Variants in IRGM observed in about 807,000 individuals in gnomAD.
IRGM encodes immunity related GTPase M.
For synonymous variants in IRGM, 98 were observed against 80.6 expected (o/e 1.22, Z -1.16); for missense variants, 288 against 219.9 (o/e 1.31, Z -1.96).
chr5:150,884,127 G>A (rs980039113), intron 3 of IRGM, among the ~76,000 whole-genome samples: 2 of 151,730 alleles, frequency 1.3e-5, no homozygotes, highest in Non-Finnish European at 2.9e-5. Context: ...TCACATTAAC[G>A]GAATGAAGGA....
chr5:150,849,099 G>A (rs894441725), downstream of IRGM, among the ~76,000 whole-genome samples: 11 of 151,798 alleles, frequency 7.2e-5, no homozygotes, highest in African/African-American at 2.7e-4. Flanking sequence ...GTTCGAACAG[G>A]CAAGTAGAGA....
chr5:150,865,383 T>C (rs1284544639), intron 1 of IRGM, among the ~76,000 whole-genome samples: 3 of 151,418 alleles, frequency 2.0e-5, no homozygotes, highest in Admixed American at 6.6e-5. Flanking sequence ...TATATCAAAA[T>C]TTCATTAAAT....
At chr5:150,883,321 A>G (rs372116874) in intron 3 of IRGM, among the ~76,000 whole-genome samples, 26 of 152,046 alleles carry the variant, frequency 1.7e-4, no homozygotes, top group Admixed American at 1.7e-3. Flanking sequence ...TCTCAAAAAA[A>G]CAACGTAGTG....
intron 3 of IRGM, chr5:150,897,887 C>A: frequency 2.9e-6 from 2 of 695,998 alleles, no homozygotes; most frequent in South Asian, 2.4e-5. Flanking sequence ...TATATATACA[C>A]ACAAGAGACA....
downstream of IRGM, among the ~76,000 whole-genome samples, chr5:150,850,364 T>G (rs1445343411): frequency 6.6e-6 from 1 of 152,202 alleles, no homozygotes; most frequent in Non-Finnish European, 1.5e-5. Context: ...CTTCATATAC[T>G]GATATAGAAC....
chr5:150,886,962 T>G (rs1299904471), intron 3 of IRGM, among the ~76,000 whole-genome samples: 5 of 152,012 alleles, frequency 3.3e-5, no homozygotes, highest in African/African-American at 1.2e-4. Flanking sequence ...AGTGGATTTG[T>G]TCTTGCTTCT....
At chr5:150,900,936 A>G (rs903604482), downstream of IRGM, among the ~76,000 whole-genome samples, 2 of 152,104 alleles carry the variant, frequency 1.3e-5, no homozygotes, top group African/African-American at 4.8e-5. Flanking sequence ...AATTTTGAGG[A>G]AAATATAGTA....
At chr5:150,861,222 T>TGC (rs1754131165) in intron 1 of IRGM, among the ~76,000 whole-genome samples, 1 of 152,160 alleles carries the variant, frequency 6.6e-6, no homozygotes, top group Non-Finnish European at 1.5e-5. Flanking sequence ...GGCTGGGATT[T>TGC]TACATGGGGC....
chr5:150,850,545 T>G (rs1753959888), downstream of IRGM, among the ~76,000 whole-genome samples: 1 of 152,094 alleles, frequency 6.6e-6, no homozygotes, highest in Non-Finnish European at 1.5e-5. Flanking sequence ...AAATATGGAG[T>G]GGGAAGACAT....
rs772495156 is a variant in IRGM, at chr5:150,898,054, T to G, written c.*141-2535T>G. Reference sequence around the variant, plus strand: ...AATTAAAAAAACATAAATTGATATTTCACTTCCCTTGTCTCCCATCTGCCT... The same window carrying G: ...AATTAAAAAAACATAAATTGATATTGCACTTCCCTTGTCTCCCATCTGCCT... On this transcript the variant is annotated intron_variant and NMD_transcript_variant, in intron 3 of 3. Transcript: ENST00000520549. 2.4e-5 allele frequency: 38 copies of G among 1,606,444 alleles called. No individual in the cohort carries two copies. In the South Asian group the frequency reaches 3.8e-4, roughly 16 times the overall value.
downstream of IRGM, among the ~76,000 whole-genome samples, chr5:150,853,258 T>C (rs1446272470): frequency 6.6e-6 from 1 of 152,184 alleles, no homozygotes; most frequent in Non-Finnish European, 1.5e-5. Context: ...TCTTCTGATA[T>C]TTTCAGTTTT....
At chr5:150,895,869 A>C in intron 3 of IRGM, 3 of 1,612,984 alleles carry the variant, frequency 1.9e-6, no homozygotes, top group Non-Finnish European at 2.5e-6. Context: ...AGTATGAACT[A>C]ACTGATGTGT....
At chr5:150,900,356 T>C (rs541135768) in intron 3 of IRGM, among the ~76,000 whole-genome samples, 1 of 152,090 alleles carries the variant, frequency 6.6e-6, no homozygotes, top group Non-Finnish European at 1.5e-5. Flanking sequence ...TTTCTACTTT[T>C]ACAAATGCTG....
At chr5:150,876,416 C>T (rs1397234860) in intron 1 of IRGM, among the ~76,000 whole-genome samples, 1 of 152,128 alleles carries the variant, frequency 6.6e-6, no homozygotes, top group Non-Finnish European at 1.5e-5. Flanking sequence ...AGGAATGCTG[C>T]CAACAGGGGA....
At chr5:150,850,795 C>T (rs75924195), downstream of IRGM, among the ~76,000 whole-genome samples, 5,928 of 152,240 alleles carry the variant, frequency 0.039, 193 homozygotes, top group East Asian at 0.18. Flanking sequence ...GTTTCCACCC[C>T]CTGTAGTGAG....
rs1753876676 is a variant in IRGM, at chr5:150,847,098, A to C, written c.-538A>C. ...AGTATGCTGTCTCCTCCTCTCCCTC[A>C]CTTCAGTTGGGCCCAACATGACAGT... On this transcript the variant is annotated 5_prime_UTR_variant, in exon 1 of 2. Transcript: ENST00000522154. 6.6e-6 allele frequency: 1 copy of C among 152,226 alleles called. No homozygotes were observed. The highest frequency in any genetic ancestry group is 6.5e-5 in the Admixed American group (1 of 15,282). 9.4% of individuals were successfully genotyped at this position (152,226 alleles called of 1,614,324 possible). A position where few individuals can be genotyped will look rare whatever the true frequency, so the allele number is the denominator to read the frequency against.
intron 1 of IRGM, among the ~76,000 whole-genome samples, chr5:150,854,041 GT>G (rs1754013670): frequency 6.6e-6 from 1 of 151,676 alleles, no homozygotes; most frequent in Non-Finnish European, 1.5e-5. Flanking sequence ...ATTTTTTATA[GT>G]GACACATTTT....
intron 1 of IRGM, among the ~76,000 whole-genome samples, chr5:150,861,734 G>C (rs1415416571): frequency 1.3e-5 from 2 of 152,096 alleles, no homozygotes; most frequent in Non-Finnish European, 2.9e-5. Context: ...CCAAGATGAT[G>C]GAAATTTTGG....
chr5:150,892,534 C>T (rs1002675304), intron 3 of IRGM, among the ~76,000 whole-genome samples: 4 of 152,036 alleles, frequency 2.6e-5, no homozygotes, highest in African/African-American at 9.7e-5. Flanking sequence ...TTTATCTCTT[C>T]CTTTCCAGGT....
Sources: allele counts gnomAD v4.1 joint callset (sites outside exome capture counted in the v4.1 genomes callset), GRCh38; gene constraint gnomAD v4.1.1; transcripts MANE v1.5; gene names NCBI Gene and HGNC (gene_info 2026-07-23, HGNC 2026-07-21).